Variants in PTPRG observed in about 807,000 individuals in gnomAD.
PTPRG encodes the protein receptor-type tyrosine-protein phosphatase gamma.
A neutral mutation model predicts 165.3 loss-of-function variants in PTPRG; 102 were observed. That is an observed-to-expected ratio of 0.62 (90% CI 0.53 to 0.73). The LOEUF is 0.73. PTPRG is among the 30% of genes least tolerant of loss of function. The probability of loss-of-function intolerance (pLI) is 0.00; values close to 1 mark genes in which losing one functional copy is unlikely to be tolerated. For synonymous variants in PTPRG, 675 were observed against 669.5 expected (o/e 1.01, Z -0.13); for missense variants, 1,866 against 1,861.4 (o/e 1.00, Z -0.05).
chr3:61,946,160 T>C (rs2039756480), intron 2 of PTPRG, among the ~76,000 whole-genome samples: 1 of 152,212 alleles, frequency 6.6e-6, no homozygotes, highest in African/African-American at 2.4e-5. Context: ...ATATTTTGTG[T>C]CTTCCTCATA....
chr3:61,932,441 ATATAT>A (rs2039384938), intron 2 of PTPRG, among the ~76,000 whole-genome samples: 2 of 152,216 alleles, frequency 1.3e-5, no homozygotes, highest in Admixed American at 6.5e-5. Flanking sequence ...GAATACTTAA[ATATAT>A]TATAAGCTTC....
intron 1 of PTPRG, among the ~76,000 whole-genome samples, chr3:61,693,823 C>A (rs373990815): frequency 3.9e-5 from 6 of 152,016 alleles, no homozygotes; most frequent in African/African-American, 1.2e-4. Context: ...CTGGGCAACA[C>A]AGTGAAACCC....
rs72880480 is a variant in PTPRG, at chr3:61,826,550, A to G, written c.190+77568A>G. Among the ~76,000 whole-genome samples the G allele has an allele frequency of 8.9e-3, 1,345 of 151,822 alleles. 17 individuals carry two copies. Among genetic ancestry groups the G allele is most frequent in the African/African-American group, 0.031 (1,274 of 41,394 alleles). On this transcript the variant is annotated intron_variant, in intron 2 of 29. Transcript: ENST00000474889. ...AAAAAAAAAATCCGATGTTTGTACT[A>G]TTTCCCCTCTTCCCTACTTTTGATG... is the stretch of plus-strand genomic sequence containing the variant.
chr3:61,903,185 C>T (rs1009944273), intron 2 of PTPRG, among the ~76,000 whole-genome samples: 2 of 152,160 alleles, frequency 1.3e-5, no homozygotes, highest in African/African-American at 4.8e-5. Context: ...TTGTGTCCCC[C>T]ACCATGAACA....
intron 2 of PTPRG, among the ~76,000 whole-genome samples, chr3:61,855,310 A>G (rs1262091610): frequency 6.6e-6 from 1 of 152,060 alleles, no homozygotes; most frequent in African/African-American, 2.4e-5. Context: ...TTCTCTCAGA[A>G]CCATGGGTTT....
chr3:61,617,991 T>C (rs36051446), intron 1 of PTPRG, among the ~76,000 whole-genome samples: 64,404 of 152,062 alleles, frequency 0.42, 15,212 homozygotes, highest in Middle Eastern at 0.59. Flanking sequence ...GAATTATAAA[T>C]GTGCAGGTAC....
chr3:61,598,182 A>G (rs1298588184), intron 1 of PTPRG, among the ~76,000 whole-genome samples: 1 of 152,194 alleles, frequency 6.6e-6, no homozygotes, highest in Admixed American at 6.5e-5. Flanking sequence ...GCTTGAGCCA[A>G]TGTAACACAT....
At chr3:61,572,931 C>T (rs768791645) in intron 1 of PTPRG, among the ~76,000 whole-genome samples, 65 of 152,240 alleles carry the variant, frequency 4.3e-4, no homozygotes, top group Non-Finnish European at 8.2e-4. Context: ...TTTTGTATTG[C>T]CTGGATTGGT....
chr3:61,720,383 C>G (rs779716440), intron 1 of PTPRG, among the ~76,000 whole-genome samples: 1 of 152,176 alleles, frequency 6.6e-6, no homozygotes, highest in Non-Finnish European at 1.5e-5. Flanking sequence ...CTCGGCCTCC[C>G]AAAGTGTGGG....
intron 2 of PTPRG, among the ~76,000 whole-genome samples, chr3:61,965,727 A>G (rs1327711804): frequency 6.6e-6 from 1 of 152,248 alleles, no homozygotes. Flanking sequence ...TTTGCAAGAC[A>G]CTAAGCATTT....
intron 1 of PTPRG, among the ~76,000 whole-genome samples, chr3:61,740,574 A>C (rs112175519): frequency 1.1e-4 from 16 of 152,164 alleles, no homozygotes; most frequent in African/African-American, 3.9e-4. Context: ...TTTGTAACTG[A>C]CACTATTTAA....
At chr3:62,126,496 A>G (rs1186390925) in intron 5 of PTPRG, among the ~76,000 whole-genome samples, 1 of 152,220 alleles carries the variant, frequency 6.6e-6, no homozygotes, top group African/African-American at 2.4e-5. Flanking sequence ...ATCCCTTCCC[A>G]AGGCTGAGGA....
At chr3:62,287,440 A>C (rs2148897818) in intron 28 of PTPRG, among the ~76,000 whole-genome samples, 1 of 152,302 alleles carries the variant, frequency 6.6e-6, no homozygotes, top group Non-Finnish European at 1.5e-5. Context: ...GATTTTATGA[A>C]ATGAAGAACA....
At chr3:61,731,037 T>G (rs532404027) in intron 1 of PTPRG, among the ~76,000 whole-genome samples, 18 of 152,344 alleles carry the variant, frequency 1.2e-4, no homozygotes, top group Non-Finnish European at 1.6e-4. Flanking sequence ...TTCTACTCTT[T>G]CTGCATTATT....
chr3:62,288,652 G>A (rs1200576518), intron 28 of PTPRG, among the ~76,000 whole-genome samples: 27 of 148,650 alleles, frequency 1.8e-4, no homozygotes, highest in African/African-American at 1.5e-4. Flanking sequence ...CAGCCTGGGC[G>A]ACAGGGTGAT....
At chr3:62,168,494 A>G (rs905538115) in intron 8 of PTPRG, among the ~76,000 whole-genome samples, 5 of 152,194 alleles carry the variant, frequency 3.3e-5, no homozygotes, top group Admixed American at 6.5e-5. Context: ...TCAGGAGCTT[A>G]TCTCTGAGCT....
chr3:62,257,086 C>T (rs1448661431), intron 16 of PTPRG, among the ~76,000 whole-genome samples: 1 of 152,090 alleles, frequency 6.6e-6, no homozygotes, highest in Non-Finnish European at 1.5e-5. Flanking sequence ...GGTTTAAAAT[C>T]AGAGCTGTTC....
chr3:61,866,795 C>T (rs999797100), intron 2 of PTPRG, among the ~76,000 whole-genome samples: 25 of 151,912 alleles, frequency 1.6e-4, no homozygotes, highest in Non-Finnish European at 2.9e-4. Flanking sequence ...GATGGCATTT[C>T]ACCATGTTGG....
chr3:62,167,312 G>C (rs1375366344), intron 7 of PTPRG, among the ~76,000 whole-genome samples: 2 of 152,168 alleles, frequency 1.3e-5, no homozygotes, highest in Non-Finnish European at 2.9e-5. Context: ...CACACATTTA[G>C]TGACTTGGCG....
Sources: gnomAD v4.1 joint callset for allele counts (sites outside exome capture counted in the v4.1 genomes callset) on GRCh38, gnomAD v4.1.1 for gene constraint, MANE v1.5 for transcripts, NCBI Gene and HGNC (gene_info 2026-07-23, HGNC 2026-07-21) for gene names.